The following ZNF519 variants were observed in gnomAD, a reference collection of about 807,000 sequenced individuals.
The protein encoded by ZNF519 is similar to Zinc finger protein 85 (Zinc finger protein HPF4) (HTF1).
ZNF519 carries 7 observed loss-of-function variants against 7.4 expected under a neutral mutation model. The observed-to-expected ratio is 0.94, with a 90% CI of 0.54 to 1.77. The LOEUF is 1.77. Ranked by LOEUF, ZNF519 falls within the 40% of genes most tolerant of loss-of-function variation. ZNF519 has a pLI of 0.00. For synonymous variants in ZNF519, 179 were observed against 203.3 expected (o/e 0.88, Z 1.02); for missense variants, 586 against 623.1 (o/e 0.94, Z 0.63).
chr18:14,086,332 C>T (rs2046090380), intron 2 of ZNF519, among the ~76,000 whole-genome samples: 1 of 152,190 alleles, frequency 6.6e-6, no homozygotes, highest in African/African-American at 2.4e-5. Context: ...CTCTCTGCAG[C>T]AGCCTAGAGC....
intron 1 of ZNF519, among the ~76,000 whole-genome samples, chr18:14,125,094 C>G (rs779911465): frequency 1.3e-5 from 2 of 152,184 alleles, no homozygotes; most frequent in African/African-American, 4.8e-5. Context: ...TATTCCTCCT[C>G]GTAGACTCAT....
intron 2 of ZNF519, among the ~76,000 whole-genome samples, chr18:14,113,558 T>A (rs988989190): frequency 6.6e-6 from 1 of 152,158 alleles, no homozygotes. Flanking sequence ...ACTACTTAAA[T>A]TGGATGAGAC....
At chr18:14,087,831 A>G (rs779943503) in intron 2 of ZNF519, among the ~76,000 whole-genome samples, 4 of 152,222 alleles carry the variant, frequency 2.6e-5, no homozygotes, top group Non-Finnish European at 5.9e-5. Context: ...CACCATCATT[A>G]TATTTTGTAC....
intron 1 of ZNF519, among the ~76,000 whole-genome samples, chr18:14,129,743 C>T (rs2046320467): frequency 6.6e-6 from 1 of 152,200 alleles, no homozygotes; most frequent in Non-Finnish European, 1.5e-5. Context: ...TAACACTGTC[C>T]TCACTGCCGA....
chr18:14,094,106 A>G (rs2046124678), intron 2 of ZNF519, among the ~76,000 whole-genome samples: 1 of 152,138 alleles, frequency 6.6e-6, no homozygotes, highest in African/African-American at 2.4e-5. Context: ...GAAGTCCTCA[A>G]ATATCAAGTG....
Position 14,088,019 on chromosome 18 carries a change from A to G in ZNF519, c.131-2943T>C, listed in dbSNP as rs542144270. Among the ~76,000 whole-genome samples the G allele has an allele frequency of 3.2e-3, 480 of 152,302 alleles. 2 individuals are homozygous for G. The highest frequency in any genetic ancestry group is 6.8e-3 in the Middle Eastern group (2 of 294). ...TGGCACACTCAGAGAAAGCAAGATC[A>G]TCACCAATTAGATGTCAGTGCTATT... is the stretch of plus-strand genomic sequence containing the variant. On this transcript the variant is annotated intron_variant and NMD_transcript_variant, in intron 2 of 4. Coordinates refer to the ZNF519 transcript ENST00000587419.
rs2046187664 is a variant in ZNF519 at position 14,105,850 on chromosome 18, A to T, written c.690T>A (p.Ile230=). 7.5e-6 allele frequency: 12 copies of T among 1,602,354 alleles called. No homozygotes were observed. Among genetic ancestry groups the T allele is most frequent in the Non-Finnish European group, 1.0e-5 (12 of 1,176,704 alleles). The change falls in exon 3 of 3, where the codon ATT becomes ATA. Residue 230 remains isoleucine, a synonymous_variant. Transcript: ENST00000590202. The part of the protein sequence containing the change: ...PFSKLTQHQR[I]YIGESSQRCN... ...ATCTTTGTGAGCTCTCTCCAATATA[A>T]ATTCTTTGATGTTGAGTAAGCTTTG... is the stretch of plus-strand genomic sequence containing the variant.
At chr18:14,125,860 A>G (rs1190500405) in intron 1 of ZNF519, among the ~76,000 whole-genome samples, 3 of 151,966 alleles carry the variant, frequency 2.0e-5, no homozygotes, top group Non-Finnish European at 4.4e-5. Flanking sequence ...AATTTTTAGT[A>G]TTTTTAGTAC....
chr18:14,120,606 A>G (rs1189148925), intron 2 of ZNF519, among the ~76,000 whole-genome samples: 1 of 152,168 alleles, frequency 6.6e-6, no homozygotes, highest in African/African-American at 2.4e-5. Flanking sequence ...TAAACCTTAC[A>G]GGACAGAAAA....
At chr18:14,115,538 A>T (rs1363001284) in intron 2 of ZNF519, among the ~76,000 whole-genome samples, 1 of 152,220 alleles carries the variant, frequency 6.6e-6, no homozygotes, top group African/African-American at 2.4e-5. Flanking sequence ...AACCGGATTA[A>T]AAAGAGACAA....
At chr18:14,115,468 G>A (rs2046241982) in intron 2 of ZNF519, among the ~76,000 whole-genome samples, 1 of 152,130 alleles carries the variant, frequency 6.6e-6, no homozygotes, top group East Asian at 1.9e-4. Context: ...AGAAATATTG[G>A]AGGCATACAC....
intron 1 of ZNF519, among the ~76,000 whole-genome samples, chr18:14,132,003 G>A (rs1300944711): frequency 1.3e-5 from 2 of 152,180 alleles, no homozygotes; most frequent in Non-Finnish European, 2.9e-5. Context: ...CCTGCACACC[G>A]AGTCGGCGTC....
chr18:14,108,394 C>T lies in ZNF519; in HGVS notation c.131-1985G>A, dbSNP rs529436662. 8.7e-4 allele frequency among the ~76,000 whole-genome samples: 133 copies of T among 152,180 alleles called. 1 individual carries two copies. The highest frequency in any genetic ancestry group is 3.0e-3 in the African/African-American group (126 of 41,518). ...AATTGAATGGTGCCTTTTCCAAGTC[C>T]ACCCATGAACCAGTCAGCATGCATT... On this transcript the variant is annotated intron_variant, in intron 2 of 2. Transcript: ENST00000590202.
intron 2 of ZNF519, among the ~76,000 whole-genome samples, chr18:14,117,539 C>T (rs1299324493): frequency 6.6e-6 from 1 of 152,160 alleles, no homozygotes. Context: ...AATATTTGCA[C>T]ATCCATGTTC....
intron 3 of ZNF519, among the ~76,000 whole-genome samples, chr18:14,081,097 T>C (rs1252439902): frequency 6.6e-6 from 1 of 152,220 alleles, no homozygotes; most frequent in Non-Finnish European, 1.5e-5. Context: ...CATGTCATTA[T>C]ATATTTGTCC....
At chr18:14,086,139 A>C (rs1247888892) in intron 2 of ZNF519, among the ~76,000 whole-genome samples, 1 of 152,190 alleles carries the variant, frequency 6.6e-6, no homozygotes, top group African/African-American at 2.4e-5. Context: ...GAAACTAAGC[A>C]CAGGGCTTTG....
At chr18:14,128,371 T>A (rs1168496116) in intron 1 of ZNF519, among the ~76,000 whole-genome samples, 1 of 152,232 alleles carries the variant, frequency 6.6e-6, no homozygotes, top group East Asian at 1.9e-4. Context: ...AACTAAAATG[T>A]GATGTGCATC....
intron 2 of ZNF519, 173 bp downstream of exon 2, chr18:14,124,177 T>TAAA (rs199578474): frequency 1.1e-4 from 45 of 392,114 alleles, no homozygotes; most frequent in African/African-American, 3.5e-4. Context: ...CTGTCTCAAT[T>TAAA]AAAAAAAAAA....
At position 14,123,709 on chromosome 18, in the gene ZNF519, C is replaced by G. The variant is rs2046281494; in HGVS notation, c.130+641G>C. On this transcript the variant is annotated intron_variant, in intron 2 of 2. Transcript: ENST00000590202. Reference sequence around the variant, plus strand: ...CCAGCTTGGGTGACAAAGCAAGACTCCGTTTGCAAAATACATAAATAAATA... The same window carrying G: ...CCAGCTTGGGTGACAAAGCAAGACTGCGTTTGCAAAATACATAAATAAATA... Among the ~76,000 whole-genome samples the G allele has an allele frequency of 2.0e-5, 3 of 151,792 alleles. No homozygotes were observed. In the South Asian group the frequency reaches 6.2e-4, roughly 32 times the overall value.
Sources: gnomAD v4.1 joint callset for allele counts (sites outside exome capture counted in the v4.1 genomes callset) on GRCh38, gnomAD v4.1.1 for gene constraint, MANE v1.5 for transcripts, NCBI Gene and HGNC (gene_info 2026-07-23, HGNC 2026-07-21) for gene names.